Variants in CCSER2 observed in about 807,000 individuals in gnomAD.
The protein encoded by CCSER2 is coiled-coil serine rich protein 2.
A neutral mutation model predicts 92.3 loss-of-function variants in CCSER2; 46 were observed. The observed-to-expected ratio is 0.50, with a 90% CI of 0.39 to 0.64. CCSER2 has a LOEUF of 0.64. Ranked by LOEUF, CCSER2 falls within the 30% of genes least tolerant of loss-of-function variation. The pLI, the probability that CCSER2 is intolerant of heterozygous loss-of-function variation, is 0.00. For synonymous variants in CCSER2, 433 were observed against 431.4 expected, an observed-to-expected ratio of 1.00 and a Z score of -0.04; for missense variants, 1,244 against 1,238.9, an observed-to-expected ratio of 1.00 and a Z score of -0.06.
intron 3 of CCSER2, among the ~76,000 whole-genome samples, chr10:84,403,792 G>A (rs1842241062): frequency 6.6e-6 from 1 of 152,094 alleles, no homozygotes; most frequent in South Asian, 2.1e-4. Context: ...AAAATGCCGA[G>A]AAACAACATT....
intron 7 of CCSER2, among the ~76,000 whole-genome samples, chr10:84,466,189 T>C (rs979497944): frequency 1.3e-5 from 2 of 152,350 alleles, no homozygotes; most frequent in African/African-American, 4.8e-5. Context: ...TGCATTTTAA[T>C]CAGCAAATCC....
At chr10:84,497,753 A>G (rs966199127) in intron 9 of CCSER2, among the ~76,000 whole-genome samples, 1 of 152,212 alleles carries the variant, frequency 6.6e-6, no homozygotes, top group African/African-American at 2.4e-5. Context: ...ACTTTCACCT[A>G]AATTATTTCA....
intron 5 of CCSER2, among the ~76,000 whole-genome samples, chr10:84,428,596 A>G (rs1351823041): frequency 1.3e-5 from 2 of 152,148 alleles, no homozygotes; most frequent in Non-Finnish European, 2.9e-5. Flanking sequence ...TTGGATAAAA[A>G]TGTCTTTTTA....
chr10:84,350,508 A>C (rs2133065961), intron 1 of CCSER2, among the ~76,000 whole-genome samples: 1 of 152,320 alleles, frequency 6.6e-6, no homozygotes, highest in East Asian at 1.9e-4. Context: ...TGATTAATAA[A>C]TATTTGAATA....
intron 3 of CCSER2, among the ~76,000 whole-genome samples, chr10:84,392,274 A>G (rs1441443723): frequency 6.6e-6 from 1 of 150,454 alleles, no homozygotes; most frequent in Non-Finnish European, 1.5e-5. Flanking sequence ...TTGTGGGTTG[A>G]AATATGTCTC....
At chr10:84,476,047 G>C (rs373839899) in intron 8 of CCSER2, among the ~76,000 whole-genome samples, 130 of 152,160 alleles carry the variant, frequency 8.5e-4, no homozygotes, top group African/African-American at 2.8e-3. Context: ...TGTTGCCCAG[G>C]CTGGTCTGGA....
chr10:84,406,987 C>T (rs1842411395), intron 3 of CCSER2, among the ~76,000 whole-genome samples: 1 of 152,120 alleles, frequency 6.6e-6, no homozygotes, highest in Non-Finnish European at 1.5e-5. Context: ...TAAACATAGA[C>T]CTCCCCAAAA....
intron 1 of CCSER2, among the ~76,000 whole-genome samples, chr10:84,344,251 ATTTTCTAC>A (rs1844360366): frequency 6.6e-6 from 1 of 152,022 alleles, no homozygotes; most frequent in Non-Finnish European, 1.5e-5. Flanking sequence ...GATTTGCAGT[ATTTTCTAC>A]TTTAAAACTT....
At chr10:84,475,319 A>T (rs1315766281) in intron 8 of CCSER2, among the ~76,000 whole-genome samples, 2 of 152,206 alleles carry the variant, frequency 1.3e-5, no homozygotes, top group Non-Finnish European at 2.9e-5. Context: ...TGTCAGCAAT[A>T]AAGAAGGCAG....
intron 9 of CCSER2, among the ~76,000 whole-genome samples, chr10:84,493,719 C>T (rs1278954978): frequency 1.3e-5 from 2 of 152,194 alleles, no homozygotes; most frequent in African/African-American, 4.8e-5. Context: ...TGGAAGACAA[C>T]TTTTCCACAG....
chr10:84,501,858 T>C (rs868767414), intron 9 of CCSER2, among the ~76,000 whole-genome samples: 24 of 88,490 alleles, frequency 2.7e-4, no homozygotes, highest in African/African-American at 6.0e-4. Flanking sequence ...TATATATATA[T>C]ACTCATATAT....
At chr10:84,374,297 A>T (rs775721928) in intron 3 of CCSER2, among the ~76,000 whole-genome samples, 10 of 152,160 alleles carry the variant, frequency 6.6e-5, no homozygotes, top group Non-Finnish European at 1.3e-4. Context: ...TACTGAGGTA[A>T]CATTGAAGTG....
chr10:84,448,349 AC>A (rs1845058666), intron 6 of CCSER2, among the ~76,000 whole-genome samples: 1 of 151,664 alleles, frequency 6.6e-6, no homozygotes, highest in Non-Finnish European at 1.5e-5. Context: ...CTTAAGTTTG[AC>A]TCTAATATCA....
At chr10:84,509,719 G>A (rs1849251735) in intron 9 of CCSER2, among the ~76,000 whole-genome samples, 1 of 152,152 alleles carries the variant, frequency 6.6e-6, no homozygotes, top group Admixed American at 6.5e-5. Context: ...CAGGATTAAA[G>A]TTTTACTCAT....
intron 1 of CCSER2, among the ~76,000 whole-genome samples, chr10:84,340,684 T>A (rs758059212): frequency 2.0e-5 from 3 of 151,982 alleles, no homozygotes; most frequent in Admixed American, 6.6e-5. Flanking sequence ...TTAACCATCC[T>A]CTTACCCTGA....
At chr10:84,490,221 G>C (rs1293601806) in intron 9 of CCSER2, among the ~76,000 whole-genome samples, 1 of 152,108 alleles carries the variant, frequency 6.6e-6, no homozygotes, top group African/African-American at 2.4e-5. Context: ...ATGTGTCTTG[G>C]AGTTGCTCTT....
intron 9 of CCSER2, among the ~76,000 whole-genome samples, chr10:84,491,350 G>GAGGC (rs1848152480): frequency 6.6e-6 from 1 of 152,202 alleles, no homozygotes; most frequent in South Asian, 2.1e-4. Context: ...GGAGTCTACA[G>GAGGC]AGGCAGGCAG....
chr10:84,466,268 C>T (rs1330268887), intron 7 of CCSER2, among the ~76,000 whole-genome samples: 2 of 152,162 alleles, frequency 1.3e-5, no homozygotes, highest in Non-Finnish European at 2.9e-5. Context: ...TACTGCATCT[C>T]GTGCCATTAA....
intron 3 of CCSER2, chr10:84,389,326 A>G (rs1841396505): frequency 1.9e-6 from 1 of 523,106 alleles, no homozygotes; most frequent in Admixed American, 1.9e-5. Flanking sequence ...TCTGTCGAGC[A>G]ATGTTGACAA....
Sources: allele counts gnomAD v4.1 joint callset (sites outside exome capture counted in the v4.1 genomes callset), GRCh38; gene constraint gnomAD v4.1.1; transcripts MANE v1.5; gene names NCBI Gene and HGNC (gene_info 2026-07-23, HGNC 2026-07-21).